MAGI1: variants seen among roughly 807,000 people sequenced by gnomAD.
The protein encoded by MAGI1 is membrane associated guanylate kinase, WW and PDZ domain containing 1, also known as membrane-associated guanylate kinase, WW and PDZ domain-containing protein 1.
In MAGI1, 58 loss-of-function variants were observed where a neutral mutation model predicts 139.9. The ratio of observed to expected loss-of-function variants is 0.41; its 90% CI spans 0.34 to 0.52. The LOEUF (loss-of-function observed/expected upper bound fraction) is 0.52. Ranked by LOEUF, MAGI1 falls within the 20% of genes least tolerant of loss-of-function variation. MAGI1 has a pLI of 0.12. For synonymous variants in MAGI1, 812 were observed against 737.9 expected, an observed-to-expected ratio of 1.10 and a Z score of -1.63; for missense variants, 1,874 against 1,901.6, an observed-to-expected ratio of 0.99 and a Z score of 0.27.
chr3:65,824,436 G>A (rs1292338477), intron 1 of MAGI1, among the ~76,000 whole-genome samples: 3 of 152,154 alleles, frequency 2.0e-5, no homozygotes, highest in African/African-American at 2.4e-5. Context: ...GAAAAACGAG[G>A]GGCCCAGCAG....
intron 1 of MAGI1, among the ~76,000 whole-genome samples, chr3:65,680,278 C>G (rs936868536): frequency 1.3e-5 from 2 of 152,184 alleles, no homozygotes; most frequent in Non-Finnish European, 2.9e-5. Flanking sequence ...ACAAGCTATA[C>G]GGCACCATCT....
intron 1 of MAGI1, among the ~76,000 whole-genome samples, chr3:65,826,087 A>C (rs1180080248): frequency 6.6e-6 from 1 of 151,524 alleles, no homozygotes; most frequent in Non-Finnish European, 1.5e-5. Context: ...GTAGATGTGT[A>C]TGTGCACATA....
chr3:65,602,193 T>C (rs1291470222), intron 2 of MAGI1, among the ~76,000 whole-genome samples: 2 of 152,172 alleles, frequency 1.3e-5, no homozygotes, highest in African/African-American at 4.8e-5. Context: ...GACCAAATGA[T>C]TCCCTCAGTA....
intron 1 of MAGI1, among the ~76,000 whole-genome samples, chr3:65,767,411 C>G (rs1018916429): frequency 1.3e-5 from 2 of 151,560 alleles, no homozygotes; most frequent in Admixed American, 6.6e-5. Flanking sequence ...TCGAGACCAG[C>G]CTGGCCAACA....
At chr3:65,766,767 T>C (rs566461622) in intron 1 of MAGI1, among the ~76,000 whole-genome samples, 2 of 152,058 alleles carry the variant, frequency 1.3e-5, no homozygotes, top group East Asian at 4.0e-4. Context: ...CAGGCACCTG[T>C]AATCTCAGCT....
chr3:65,887,376 C>T (rs1388894600), intron 1 of MAGI1, among the ~76,000 whole-genome samples: 1 of 125,968 alleles, frequency 7.9e-6, no homozygotes, highest in Non-Finnish European at 1.6e-5. Flanking sequence ...CTCTGTACAG[C>T]AGACTGATAC....
At chr3:65,534,229 C>T (rs761490433) in intron 2 of MAGI1, among the ~76,000 whole-genome samples, 3 of 152,160 alleles carry the variant, frequency 2.0e-5, no homozygotes, top group Admixed American at 6.6e-5. Context: ...TGCCTGTAAT[C>T]CCAGCACTTT....
At chr3:65,652,331 T>TA (rs2085631414) in intron 1 of MAGI1, among the ~76,000 whole-genome samples, 1 of 152,128 alleles carries the variant, frequency 6.6e-6, no homozygotes, top group African/African-American at 2.4e-5. Context: ...CCTACAAAAA[T>TA]AAATTATCAC....
intron 1 of MAGI1, among the ~76,000 whole-genome samples, chr3:65,885,903 T>G (rs2060512799): frequency 6.6e-6 from 1 of 152,276 alleles, no homozygotes; most frequent in Non-Finnish European, 1.5e-5. Context: ...AGGTGGCATC[T>G]GTCTGCATGT....
intron 1 of MAGI1, among the ~76,000 whole-genome samples, chr3:65,994,297 TAAATGAC>T (rs767044090): frequency 7.1e-5 from 10 of 141,246 alleles, no homozygotes; most frequent in Non-Finnish European, 1.5e-4. Context: ...AAAACACTGG[TAAATGAC>T]TAAAGCATGA....
intron 2 of MAGI1, among the ~76,000 whole-genome samples, chr3:65,510,021 G>A (rs2077499952): frequency 1.3e-5 from 2 of 152,192 alleles, no homozygotes; most frequent in African/African-American, 4.8e-5. Context: ...CCCTAACTGG[G>A]AGGCAGCCCC....
At chr3:65,793,662 T>TGCAACTGCTGGCCTGGGTGGA (rs1467577229) in intron 1 of MAGI1, among the ~76,000 whole-genome samples, 136 of 152,298 alleles carry the variant, frequency 8.9e-4, no homozygotes, top group African/African-American at 3.1e-3. Context: ...CGAAAATGCC[T>TGCAACTGCTGGCCTGGGTGGA]GCAACTGCTG....
chr3:65,578,171 T>C (rs556838085), intron 2 of MAGI1, among the ~76,000 whole-genome samples: 1 of 152,294 alleles, frequency 6.6e-6, no homozygotes, highest in Non-Finnish European at 1.5e-5. Context: ...AGGCTATGTA[T>C]TCCTTTTGCT....
intron 1 of MAGI1, among the ~76,000 whole-genome samples, chr3:65,970,143 GAATA>G (rs1210223479): frequency 6.6e-6 from 1 of 152,150 alleles, no homozygotes; most frequent in African/African-American, 2.4e-5. Flanking sequence ...ATACATGGCA[GAATA>G]TTTATTAAGC....
intron 1 of MAGI1, among the ~76,000 whole-genome samples, chr3:65,703,089 G>C (rs1291490063): frequency 6.6e-6 from 1 of 152,096 alleles, no homozygotes; most frequent in East Asian, 1.9e-4. Flanking sequence ...TGCTGCACCT[G>C]ACAATCTGCC....
At position 65,658,631 on chromosome 3, in the gene MAGI1, C is replaced by G. The variant is rs539104854; in HGVS notation, c.314-36543G>C. ...TTACATTCTGCATGTCTAAAAAGCT[C>G]CCAGGTGATGCTAATGCTGTTGGTC... On this transcript the variant is annotated intron_variant, in intron 1 of 22. Coordinates refer to ENST00000402939, the MANE Select transcript of MAGI1 (RefSeq NM_001033057.2). Among the ~76,000 whole-genome samples, 13 of 152,270 alleles carry G rather than the reference C, an allele frequency of 8.5e-5. No individual in the cohort carries two copies. In the South Asian group the frequency reaches 2.7e-3, roughly 32 times the overall value.
intron 1 of MAGI1, among the ~76,000 whole-genome samples, chr3:66,005,233 GACC>G (rs1177851564): frequency 3.3e-5 from 5 of 152,140 alleles, no homozygotes; most frequent in African/African-American, 1.2e-4. Context: ...TTGCAAGGGA[GACC>G]ACAGTCTTCA....
intron 1 of MAGI1, among the ~76,000 whole-genome samples, chr3:65,824,577 A>C (rs1251421829): frequency 6.6e-6 from 1 of 152,212 alleles, no homozygotes; most frequent in East Asian, 1.9e-4. Flanking sequence ...TTTATCTTCA[A>C]AAATAAATCT....
chr3:65,793,264 G>A (rs1437211239), intron 1 of MAGI1, among the ~76,000 whole-genome samples: 1 of 152,176 alleles, frequency 6.6e-6, no homozygotes, highest in African/African-American at 2.4e-5. Flanking sequence ...ATGGAATACA[G>A]AATGAATCTA....
Sources: gnomAD v4.1 joint callset for allele counts (sites outside exome capture counted in the v4.1 genomes callset) on GRCh38, gnomAD v4.1.1 for gene constraint, MANE v1.5 for transcripts, NCBI Gene and HGNC (gene_info 2026-07-23, HGNC 2026-07-21) for gene names.